Variants in DOK6 observed in about 807,000 individuals in gnomAD.
DOK6 encodes downstream of tyrosine kinase 6.
A neutral mutation model predicts 44.0 loss-of-function variants in DOK6; 22 were observed. That is an observed-to-expected ratio of 0.50 (90% CI 0.36 to 0.71). The LOEUF is 0.71. Among genes scored for constraint, DOK6 ranks in the 30% least tolerant of loss-of-function variants. The probability of loss-of-function intolerance (pLI) is 0.00; values close to 1 mark genes in which losing one functional copy is unlikely to be tolerated. For missense variants in DOK6, 340 were observed against 416.4 expected, an observed-to-expected ratio of 0.82 and a Z score of 1.60; for synonymous variants, 166 against 145.5, an observed-to-expected ratio of 1.14 and a Z score of -1.01.
intron 1 of DOK6, among the ~76,000 whole-genome samples, chr18:69,542,147 G>A (rs1402256004): frequency 1.3e-5 from 2 of 151,454 alleles, no homozygotes; most frequent in Non-Finnish European, 3.0e-5. Flanking sequence ...AAAAGCATTA[G>A]TATGATTATT....
chr18:69,505,269 G>A (rs1406788786), intron 1 of DOK6, among the ~76,000 whole-genome samples: 2 of 152,102 alleles, frequency 1.3e-5, no homozygotes, highest in Non-Finnish European at 2.9e-5. Context: ...AGCAAAAGTG[G>A]AGTTTTATCT....
Position 69,835,527 on chromosome 18 carries a change from A to T in DOK6, c.857-5717A>T, listed in dbSNP as rs117780572. 1.4e-4 allele frequency among the ~76,000 whole-genome samples: 22 copies of T among 151,938 alleles called. No homozygotes were observed. In the East Asian group the frequency reaches 4.3e-3, roughly 29 times the overall value. Reference sequence around the variant, plus strand: ...CTGGCCCCCAATTCATTGCAGTAAGAGCCTGTGAAATAAATAAAAGGGCTC... The same window carrying T: ...CTGGCCCCCAATTCATTGCAGTAAGTGCCTGTGAAATAAATAAAAGGGCTC... On this transcript the variant is annotated intron_variant, in intron 7 of 7. Coordinates refer to ENST00000382713, the MANE Select transcript of DOK6 (RefSeq NM_152721.6).
intron 4 of DOK6, among the ~76,000 whole-genome samples, chr18:69,687,205 A>C (rs1015770702): frequency 2.6e-5 from 4 of 152,232 alleles, no homozygotes; most frequent in Admixed American, 2.0e-4. Flanking sequence ...TTATACAAAA[A>C]AGATAATACA....
intron 3 of DOK6, among the ~76,000 whole-genome samples, chr18:69,667,614 T>A (rs1372425755): frequency 1.3e-5 from 2 of 152,232 alleles, no homozygotes; most frequent in African/African-American, 4.8e-5. Flanking sequence ...TTTGCTAGCA[T>A]GAAAAAGTCA....
intron 7 of DOK6, among the ~76,000 whole-genome samples, chr18:69,773,127 C>A (rs943563908): frequency 2.6e-5 from 4 of 151,870 alleles, no homozygotes; most frequent in African/African-American, 9.7e-5. Flanking sequence ...AAATGCAAAT[C>A]AAAATCACAA....
chr18:69,609,968 T>C (rs958534331), intron 3 of DOK6, among the ~76,000 whole-genome samples: 1 of 152,160 alleles, frequency 6.6e-6, no homozygotes, highest in Non-Finnish European at 1.5e-5. Context: ...GTATCTAAAA[T>C]AGTCAAATTT....
At chr18:69,630,766 G>C (rs2144645918) in intron 3 of DOK6, among the ~76,000 whole-genome samples, 1 of 152,272 alleles carries the variant, frequency 6.6e-6, no homozygotes, top group East Asian at 1.9e-4. Context: ...TGCATGTATT[G>C]CACTGTATAA....
intron 7 of DOK6, among the ~76,000 whole-genome samples, chr18:69,775,042 G>A (rs1262515272): frequency 6.6e-6 from 1 of 151,608 alleles, no homozygotes; most frequent in East Asian, 1.9e-4. Context: ...GATAGAACAG[G>A]AAGTGATGAA....
At chr18:69,459,469 T>G (rs11151507) in intron 1 of DOK6, among the ~76,000 whole-genome samples, 11,892 of 152,158 alleles carry the variant, frequency 0.078, 604 homozygotes, top group East Asian at 0.31. Flanking sequence ...TTAAAATGTG[T>G]CAATGTTCTT....
intron 3 of DOK6, among the ~76,000 whole-genome samples, chr18:69,659,067 A>T (rs550525280): frequency 5.3e-5 from 8 of 152,368 alleles, no homozygotes; most frequent in Middle Eastern, 3.4e-3. Flanking sequence ...CCTGAAATCA[A>T]ATAGTAGAAC....
intron 4 of DOK6, among the ~76,000 whole-genome samples, chr18:69,682,946 G>A (rs761846911): frequency 9.9e-5 from 15 of 152,176 alleles, no homozygotes; most frequent in Non-Finnish European, 2.2e-4. Context: ...AATATTAGCA[G>A]CACCTTACTC....
chr18:69,772,769 C>A (rs976019700), intron 7 of DOK6, among the ~76,000 whole-genome samples: 7 of 151,952 alleles, frequency 4.6e-5, no homozygotes, highest in African/African-American at 1.7e-4. Flanking sequence ...AAGCTTCAGG[C>A]AGTGGTTCTG....
At chr18:69,756,176 C>T (rs1220687205) in intron 6 of DOK6, among the ~76,000 whole-genome samples, 6 of 152,132 alleles carry the variant, frequency 3.9e-5, no homozygotes, top group African/African-American at 1.4e-4. Context: ...CCCGGGGAGC[C>T]TTCCTTATCT....
In DOK6 at chr18:69,825,559, G is replaced by A. The variant is rs1156769879; in HGVS notation, c.857-15685G>A. On this transcript the variant is annotated intron_variant, in intron 7 of 7. Transcript: ENST00000382713. ...TGCTATTCTCCTGCCTCAGTCTCCC[G>A]AGTAGCTGGGACTACAGGTGCCCAC... is the stretch of plus-strand genomic sequence containing the variant. 6.1e-5 allele frequency among the ~76,000 whole-genome samples: 9 copies of A among 147,056 alleles called. No homozygotes were observed. In the East Asian group the frequency reaches 1.5e-3, roughly 24 times the overall value.
intron 3 of DOK6, among the ~76,000 whole-genome samples, chr18:69,638,697 T>C (rs559937491): frequency 7.2e-4 from 109 of 152,324 alleles, no homozygotes; most frequent in Middle Eastern, 3.4e-3. Flanking sequence ...AACCCTTAAA[T>C]GATTTATTCC....
chr18:69,607,615 T>C (rs761397057), intron 3 of DOK6, among the ~76,000 whole-genome samples: 27 of 152,312 alleles, frequency 1.8e-4, no homozygotes, highest in Non-Finnish European at 3.1e-4. Flanking sequence ...AAAATTTTAC[T>C]TTTGGAGTAG....
At chr18:69,533,762 C>T (rs1481079837) in intron 1 of DOK6, among the ~76,000 whole-genome samples, 1 of 151,898 alleles carries the variant, frequency 6.6e-6, no homozygotes, top group African/African-American at 2.4e-5. Flanking sequence ...AGGAAATTAT[C>T]CCCCTTTTTA....
intron 1 of DOK6, among the ~76,000 whole-genome samples, chr18:69,550,718 T>TAC (rs1299707964): frequency 6.6e-6 from 1 of 151,826 alleles, no homozygotes; most frequent in African/African-American, 2.4e-5. Context: ...TTTTCCCTAA[T>TAC]ATATATTGAC....
At chr18:69,771,287 G>A (rs1979879941) in intron 7 of DOK6, among the ~76,000 whole-genome samples, 1 of 151,798 alleles carries the variant, frequency 6.6e-6, no homozygotes, top group Admixed American at 6.6e-5. Flanking sequence ...ATAAAATTAA[G>A]ATCATACTAC....
Sources: allele counts gnomAD v4.1 joint callset (sites outside exome capture counted in the v4.1 genomes callset), GRCh38; gene constraint gnomAD v4.1.1; transcripts MANE v1.5; gene names NCBI Gene and HGNC (gene_info 2026-07-23, HGNC 2026-07-21).